Variants in DLGAP1 observed in about 807,000 individuals in gnomAD.
DLGAP1 encodes DLG associated protein 1, also known as disks large-associated protein 1.
Under a neutral mutation model 90.8 loss-of-function variants are expected in DLGAP1, and 11 were observed. The ratio of observed to expected loss-of-function variants is 0.12; its 90% CI spans 0.08 to 0.20. The LOEUF (loss-of-function observed/expected upper bound fraction) is 0.20, where lower values mean the gene tolerates loss of function less well. DLGAP1 is among the 10% of genes least tolerant of loss of function. The pLI is 1.00. For synonymous variants in DLGAP1, 558 were observed against 540.7 expected, an observed-to-expected ratio of 1.03 and a Z score of -0.44; for missense variants, 1,050 against 1,333.8, an observed-to-expected ratio of 0.79 and a Z score of 3.31.
rs546140655 is a variant in DLGAP1 at position 3,514,448 on chromosome 18, C to T, written c.2480-5787G>A. Among the ~76,000 whole-genome samples, 3 of 152,274 alleles carry T rather than the reference C, an allele frequency of 2.0e-5. No homozygotes were observed. In the South Asian group the frequency reaches 6.2e-4, roughly 32 times the overall value. ...CAATGGATTACCTCTGACTGGCTCC[C>T]CGTGGTGAAGGTTACTACGGTAGAT... On this transcript the variant is annotated intron_variant, in intron 10 of 12. Transcript: ENST00000315677.
At chr18:3,812,962 C>T (rs975777462) in intron 5 of DLGAP1, among the ~76,000 whole-genome samples, 2 of 151,988 alleles carry the variant, frequency 1.3e-5, no homozygotes, top group Admixed American at 6.6e-5. Context: ...ACGAATTATC[C>T]GTAATATATT....
chr18:3,570,226 G>A (rs966220874), intron 8 of DLGAP1, among the ~76,000 whole-genome samples: 3 of 151,622 alleles, frequency 2.0e-5, no homozygotes, highest in South Asian at 2.1e-4. Context: ...ATAAAGACCT[G>A]TTTCTGGCCT....
chr18:4,387,923 T>TCACACACACA lies in DLGAP1; in HGVS notation c.-267+67082_-267+67083insTGTGTGTGTG, dbSNP rs869144582. On this transcript the variant is annotated intron_variant, in intron 1 of 12. Transcript: ENST00000315677. ...TCCAGCCTGGGTGACAGAGACTCCA[T>TCACACACACA]CACACATACACACACACACACACAC... 2.5e-3 allele frequency among the ~76,000 whole-genome samples: 83 copies of TCACACACACA among 33,682 alleles called. 2 individuals are homozygous for TCACACACACA. The highest frequency in any genetic ancestry group is 4.5e-3 in the African/African-American group (77 of 16,962). The allele number at this position is 33,682 out of a possible 152,430, so 22.1% of individuals were successfully genotyped here. A position where few individuals can be genotyped will look rare whatever the true frequency, so the allele number is the denominator to read the frequency against.
chr18:3,864,898 A>C (rs1412601303), intron 4 of DLGAP1, among the ~76,000 whole-genome samples: 1 of 151,590 alleles, frequency 6.6e-6, no homozygotes, highest in Admixed American at 6.6e-5. Context: ...ATCTTTAGAG[A>C]AACATATCTT....
chr18:4,017,826 TAAGTCTACCTA>T (rs2074547267), intron 2 of DLGAP1, among the ~76,000 whole-genome samples: 1 of 152,084 alleles, frequency 6.6e-6, no homozygotes, highest in South Asian at 2.1e-4. Flanking sequence ...AATCTACCAG[TAAGTCTACCTA>T]AAGCCTAATG....
In DLGAP1 at chr18:3,659,394, T is replaced by TATACACAC. The variant is rs1555618610; in HGVS notation, c.1591+69740_1591+69741insGTGTGTAT. Among the ~76,000 whole-genome samples, 297 of 102,180 alleles carry TATACACAC rather than the reference T, an allele frequency of 2.9e-3. 4 individuals are homozygous for TATACACAC. Among genetic ancestry groups the TATACACAC allele is most frequent in the African/African-American group, 0.013 (280 of 21,034 alleles). 67.0% of individuals were successfully genotyped at this position (102,180 alleles called of 152,430 possible). On this transcript the variant is annotated intron_variant, in intron 7 of 12. Coordinates refer to ENST00000315677, the MANE Select transcript of DLGAP1 (RefSeq NM_004746.4). ...GGGTAAGCCGTAACACATACATTTA[T>TATACACAC]ACACACACACACACACACACACACA...
intron 3 of DLGAP1, among the ~76,000 whole-genome samples, chr18:3,883,452 C>G (rs1398037050): frequency 1.3e-5 from 2 of 152,142 alleles, no homozygotes; most frequent in African/African-American, 4.8e-5. Flanking sequence ...ATTGACCATT[C>G]AGGAATAATG....
intron 5 of DLGAP1, among the ~76,000 whole-genome samples, chr18:3,747,451 G>A (rs763482355): frequency 3.9e-5 from 6 of 152,126 alleles, no homozygotes; most frequent in Admixed American, 6.5e-5. Flanking sequence ...ATAACCTAAA[G>A]TTCACTTCTC....
chr18:3,739,520 G>A (rs1268424772), intron 6 of DLGAP1, among the ~76,000 whole-genome samples: 7 of 146,510 alleles, frequency 4.8e-5, no homozygotes, highest in East Asian at 4.2e-4. Flanking sequence ...GTAAACTATC[G>A]CAAGAACAAA....
intron 4 of DLGAP1, among the ~76,000 whole-genome samples, chr18:3,871,493 G>A (rs1277798501): frequency 6.6e-6 from 1 of 152,076 alleles, no homozygotes; most frequent in Admixed American, 6.6e-5. Context: ...TCTTGCAAGC[G>A]TATATTAAAT....
intron 5 of DLGAP1, among the ~76,000 whole-genome samples, chr18:3,786,817 C>T (rs1044475004): frequency 6.6e-6 from 1 of 152,156 alleles, no homozygotes; most frequent in Admixed American, 6.5e-5. Flanking sequence ...AATTTTTGGA[C>T]AATGTCTCCT....
intron 1 of DLGAP1, among the ~76,000 whole-genome samples, chr18:4,249,375 G>T (rs747684674): frequency 6.8e-6 from 1 of 147,846 alleles, no homozygotes; most frequent in African/African-American, 2.5e-5. Flanking sequence ...AAAAGAGCAA[G>T]AGTGCACCTG....
At chr18:3,662,285 C>T (rs966292012) in intron 7 of DLGAP1, among the ~76,000 whole-genome samples, 2 of 152,062 alleles carry the variant, frequency 1.3e-5, no homozygotes, top group East Asian at 3.9e-4. Flanking sequence ...CTGTAAAATA[C>T]CTTTTAATGA....
intron 3 of DLGAP1, chr18:3,993,332 G>A (rs1006690241): frequency 6.6e-6 from 1 of 152,154 alleles, no homozygotes; most frequent in African/African-American, 2.4e-5. Flanking sequence ...TTTATTCACT[G>A]ATTCCATTTC....
chr18:4,434,751 T>G (rs528895285), intron 1 of DLGAP1, among the ~76,000 whole-genome samples: 3 of 152,166 alleles, frequency 2.0e-5, no homozygotes, highest in Non-Finnish European at 4.4e-5. Flanking sequence ...GGTATGTAAA[T>G]CTCAGGGAAA....
chr18:3,610,854 G>C (rs115834032), intron 7 of DLGAP1, among the ~76,000 whole-genome samples: 3,182 of 150,920 alleles, frequency 0.021, 93 homozygotes, highest in African/African-American at 0.072. Context: ...AATAAAAAAA[G>C]ATGGTATAAA....
At chr18:3,522,492 G>A (rs982223354) in intron 10 of DLGAP1, among the ~76,000 whole-genome samples, 3 of 150,682 alleles carry the variant, frequency 2.0e-5, no homozygotes, top group African/African-American at 4.9e-5. Context: ...GAAAGAGAAA[G>A]GGAATTTTAA....
At chr18:4,117,301 G>C (rs1259401110) in intron 2 of DLGAP1, among the ~76,000 whole-genome samples, 1 of 152,202 alleles carries the variant, frequency 6.6e-6, no homozygotes, top group Admixed American at 6.5e-5. Context: ...GGTGTCCCTA[G>C]CAAATTAATA....
intron 5 of DLGAP1, among the ~76,000 whole-genome samples, chr18:3,790,952 A>T (rs1338806856): frequency 6.6e-6 from 1 of 152,194 alleles, no homozygotes; most frequent in Non-Finnish European, 1.5e-5. Context: ...GGCACAGACA[A>T]ACATGGAGGC....
Sources: gnomAD v4.1 joint callset for allele counts (sites outside exome capture counted in the v4.1 genomes callset) on GRCh38, gnomAD v4.1.1 for gene constraint, MANE v1.5 for transcripts, NCBI Gene and HGNC (gene_info 2026-07-23, HGNC 2026-07-21) for gene names.